Variants in IRF2 observed in about 807,000 individuals in gnomAD.
IRF2 encodes the protein interferon regulatory factor 2.
A neutral mutation model predicts 40.6 loss-of-function variants in IRF2; 15 were observed. The observed-to-expected ratio is 0.37, with a 90% CI of 0.25 to 0.57. IRF2 has a LOEUF of 0.57. Ranked by LOEUF, IRF2 falls within the 20% of genes least tolerant of loss-of-function variation. The probability of loss-of-function intolerance (pLI) is 0.77; values close to 1 mark genes in which losing one functional copy is unlikely to be tolerated. For synonymous variants in IRF2, 151 were observed against 165.5 expected, an observed-to-expected ratio of 0.91 and a Z score of 0.67; for missense variants, 317 against 455.7, an observed-to-expected ratio of 0.70 and a Z score of 2.77.
intron 1 of IRF2, among the ~76,000 whole-genome samples, chr4:184,433,058 G>A (rs953891544): frequency 4.6e-5 from 7 of 152,138 alleles, no homozygotes; most frequent in South Asian, 2.1e-4. Flanking sequence ...CCAGAGACCC[G>A]GCTCACCCAG....
chr4:184,415,051 G>GT (rs1023365650), intron 5 of IRF2, among the ~76,000 whole-genome samples: 5 of 152,152 alleles, frequency 3.3e-5, no homozygotes, highest in Admixed American at 1.3e-4. Flanking sequence ...GCCCTAGGGA[G>GT]TTCACTTTTC....
intron 1 of IRF2, among the ~76,000 whole-genome samples, chr4:184,451,371 G>A (rs1444633536): frequency 1.3e-5 from 2 of 152,220 alleles, no homozygotes; most frequent in Admixed American, 6.5e-5. Flanking sequence ...GATAATAGTG[G>A]TGGTGGGGAT....
chr4:184,438,478 A>G (rs2797505), intron 1 of IRF2, among the ~76,000 whole-genome samples: 1 of 152,196 alleles, frequency 6.6e-6, no homozygotes, highest in Non-Finnish European at 1.5e-5. Flanking sequence ...ATTTAATGTC[A>G]CATTATATTA....
At chr4:184,442,396 A>G (rs549777742) in intron 1 of IRF2, among the ~76,000 whole-genome samples, 1 of 152,134 alleles carries the variant, frequency 6.6e-6, no homozygotes. Context: ...ATGCAGATGA[A>G]TCAGTTGTTT....
At chr4:184,432,323 G>A (rs1022886952) in intron 1 of IRF2, among the ~76,000 whole-genome samples, 1 of 152,182 alleles carries the variant, frequency 6.6e-6, no homozygotes, top group African/African-American at 2.4e-5. Flanking sequence ...CTGCCTTCCC[G>A]CTCTTGCTCT....
chr4:184,427,985 AG>A, intron 2 of IRF2, among the ~76,000 whole-genome samples: 1 of 152,228 alleles, frequency 6.6e-6, no homozygotes, highest in East Asian at 1.9e-4. Flanking sequence ...TCCTTAAAGA[AG>A]GCATGATATA....
chr4:184,388,634 C>CTAT lies in IRF2; in HGVS notation c.*121_*123dup. 1.0e-6 allele frequency: 1 copy of CTAT among 994,352 alleles called. No homozygotes were observed. Among genetic ancestry groups the CTAT allele is most frequent in the East Asian group, 2.4e-5 (1 of 41,478 alleles). 61.6% of individuals were successfully genotyped at this position (994,352 alleles called of 1,614,324 possible). On this transcript the variant is annotated 3_prime_UTR_variant, in exon 9 of 9. Transcript: ENST00000393593. This position sits in a 1 kb window ranked among gnomAD's most constrained non-coding sequence, Gnocchi z 4.6. ...GGAGTTGGACACAGCAATCAATGTTCTATTGTCAAGGCTTTTTCCCTTAGA... is the reference window on the plus strand; with the variant it reads ...GGAGTTGGACACAGCAATCAATGTTCTATTATTGTCAAGGCTTTTTCCCTTAGA...
intron 1 of IRF2, among the ~76,000 whole-genome samples, chr4:184,452,477 G>A (rs556515276): frequency 2.0e-5 from 3 of 152,298 alleles, no homozygotes; most frequent in Admixed American, 2.0e-4. Context: ...TGCAGACCGG[G>A]CGCAGCAACA....
intron 4 of IRF2, 98 bp from the exon 5 acceptor site, chr4:184,418,311 T>A: frequency 9.3e-7 from 1 of 1,070,302 alleles, no homozygotes; most frequent in South Asian, 1.3e-5. Context: ...TCAATGAACC[T>A]GTTGCTTTAA....
chr4:184,390,585 T>G (rs1579784704), intron 8 of IRF2, 118 bp downstream of exon 8: 1 of 961,612 alleles, frequency 1.0e-6, no homozygotes, highest in East Asian at 2.4e-5. Context: ...CACAAGAAAA[T>G]CCCAAAGTGA....
Position 184,419,570 on chromosome 4 carries a change from T to TCAAA in IRF2, c.88-3_88-2insTTTG. Reference sequence around the variant, plus strand: ...GGGGATCTGAAAAATCTTCTTTTCCTGAAAAAAAAAAAAAAAAAAAAGGTA... The same window carrying TCAAA: ...GGGGATCTGAAAAATCTTCTTTTCCTCAAAGAAAAAAAAAAAAAAAAAAAAGGTA... On this transcript the variant is annotated splice_polypyrimidine_tract_variant and splice_region_variant and intron_variant, in intron 2 of 8. Coordinates refer to ENST00000393593, the MANE Select transcript of IRF2 (RefSeq NM_002199.4). The TCAAA allele has an allele frequency of 6.1e-6, 5 of 820,044 alleles. No homozygotes were observed. Among genetic ancestry groups the TCAAA allele is most frequent in the South Asian group, 1.9e-5 (1 of 53,584 alleles). 50.8% of individuals were successfully genotyped at this position (820,044 alleles called of 1,614,324 possible). A position where few individuals can be genotyped will look rare whatever the true frequency, so the allele number is the denominator to read the frequency against.
chr4:184,417,695 T>G (rs964878883), intron 5 of IRF2, among the ~76,000 whole-genome samples: 2 of 152,134 alleles, frequency 1.3e-5, no homozygotes, highest in African/African-American at 4.8e-5. Flanking sequence ...TCTGATAGAG[T>G]GCTGACATTG....
chr4:184,406,233 T>C (rs1736849510), intron 6 of IRF2, among the ~76,000 whole-genome samples: 1 of 63,146 alleles, frequency 1.6e-5, no homozygotes, highest in Non-Finnish European at 3.2e-5. Context: ...ACTTTTTATC[T>C]TTTTTTTTTT....
chr4:184,398,728 C>T (rs996955690), intron 7 of IRF2, among the ~76,000 whole-genome samples, 187 bp downstream of exon 7: 3 of 152,056 alleles, frequency 2.0e-5, no homozygotes, highest in Non-Finnish European at 4.4e-5. Flanking sequence ...GTGATCCTGT[C>T]CTCTACCTGA....
intron 2 of IRF2, among the ~76,000 whole-genome samples, chr4:184,423,919 A>C (rs79466596): frequency 1.2e-4 from 18 of 152,368 alleles, no homozygotes; most frequent in Non-Finnish European, 2.5e-4. Context: ...AGGCATTCTT[A>C]ATATGAATGG....
intron 2 of IRF2, among the ~76,000 whole-genome samples, chr4:184,420,021 C>T: frequency 6.6e-6 from 1 of 152,206 alleles, no homozygotes; most frequent in Non-Finnish European, 1.5e-5. Context: ...GCATGTGCCA[C>T]CACGCCTGGC....
intron 1 of IRF2, among the ~76,000 whole-genome samples, chr4:184,459,629 T>C (rs1739060649): frequency 6.6e-6 from 1 of 152,184 alleles, no homozygotes; most frequent in South Asian, 2.1e-4. Flanking sequence ...TGTGTCATTT[T>C]CAAAACCACA....
chr4:184,453,106 AAAAC>A (rs1738786634), intron 1 of IRF2, among the ~76,000 whole-genome samples: 1 of 152,222 alleles, frequency 6.6e-6, no homozygotes, highest in Non-Finnish European at 1.5e-5. Context: ...TTTTCTGTAA[AAAAC>A]AGACAACATG....
At chr4:184,439,183 G>A (rs1203926541) in intron 1 of IRF2, among the ~76,000 whole-genome samples, 3 of 151,972 alleles carry the variant, frequency 2.0e-5, no homozygotes, top group African/African-American at 4.8e-5. Context: ...CTCCTACTAC[G>A]TAGATTTTTC....
Sources: allele counts gnomAD v4.1 joint callset (sites outside exome capture counted in the v4.1 genomes callset), GRCh38; gene constraint gnomAD v4.1.1; non-coding constraint Gnocchi (gnomAD v3.1); transcripts MANE v1.5; gene names NCBI Gene and HGNC (gene_info 2026-07-23, HGNC 2026-07-21).